Variants in HAVCR2 observed in about 807,000 individuals in gnomAD.
HAVCR2 encodes the protein T cell immunoglobulin mucin 3.
In HAVCR2, 13 loss-of-function variants were observed where a neutral mutation model predicts 24.7. The ratio of observed to expected loss-of-function variants is 0.53; its 90% CI spans 0.34 to 0.84. HAVCR2 has a LOEUF of 0.84. Among genes scored for constraint, HAVCR2 ranks in the 40% least tolerant of loss-of-function variants. The probability of loss-of-function intolerance (pLI) is 0.01; values close to 1 mark genes in which losing one functional copy is unlikely to be tolerated. For synonymous variants in HAVCR2, 154 were observed against 143.4 expected, an observed-to-expected ratio of 1.07 and a Z score of -0.53; for missense variants, 343 against 371.2, an observed-to-expected ratio of 0.92 and a Z score of 0.62.
At chr5:157,091,860 C>T (rs1426141525) in intron 5 of HAVCR2, among the ~76,000 whole-genome samples, 1 of 152,058 alleles carries the variant, frequency 6.6e-6, no homozygotes, top group Admixed American at 6.6e-5. Context: ...TCAGAGAGTA[C>T]ACTAGAAAGA....
intron 4 of HAVCR2, among the ~76,000 whole-genome samples, chr5:157,096,161 G>A (rs1317811502): frequency 2.1e-5 from 3 of 142,144 alleles, no homozygotes; most frequent in Non-Finnish European, 3.0e-5. Flanking sequence ...AGGAGGCAAA[G>A]ACTGGAGTAC....
rs148766317 is a variant in HAVCR2, at chr5:157,094,482, T to G, written c.676+824A>C. 1.3e-3 allele frequency among the ~76,000 whole-genome samples: 202 copies of G among 151,922 alleles called. 1 individual carries two copies. The highest frequency in any genetic ancestry group is 4.6e-3 in the African/African-American group (191 of 41,458). The stretch of plus-strand genomic sequence containing the variant: ...CACTGTAACCTCCACCTACCAGGTT[T>G]GAGTGATTCCTCTGCCTCAGCCTCC... On this transcript the variant is annotated intron_variant, in intron 5 of 6. Transcript: ENST00000307851.
At chr5:157,094,130 C>T (rs544636805) in intron 5 of HAVCR2, among the ~76,000 whole-genome samples, 78 of 150,430 alleles carry the variant, frequency 5.2e-4, no homozygotes, top group Admixed American at 8.7e-4. Flanking sequence ...GCCTCCTGAG[C>T]TCAAGTGATC....
At chr5:157,090,662 C>T (rs1001088841) in intron 5 of HAVCR2, among the ~76,000 whole-genome samples, 1 of 152,090 alleles carries the variant, frequency 6.6e-6, no homozygotes, top group African/African-American at 2.4e-5. Flanking sequence ...GGATTATAGG[C>T]ATGAGCCATT....
At chr5:157,103,870 C>T (rs974233394) in intron 3 of HAVCR2, among the ~76,000 whole-genome samples, 1 of 152,206 alleles carries the variant, frequency 6.6e-6, no homozygotes, top group African/African-American at 2.4e-5. Flanking sequence ...TAACCACAAT[C>T]TCACTGTGCC....
chr5:157,104,625 A>T, intron 3 of HAVCR2, 41 bp downstream of exon 3: 1 of 1,375,050 alleles, frequency 7.3e-7, no homozygotes. Flanking sequence ...CTGAATTCAG[A>T]GCCAGCTAAA....
chr5:157,104,235 C>T (rs56323820), intron 3 of HAVCR2, among the ~76,000 whole-genome samples: 5,716 of 152,174 alleles, frequency 0.038, 300 homozygotes, highest in African/African-American at 0.12. Context: ...GGCTGGAATC[C>T]AGGGAAGGTG....
intron 1 of HAVCR2, among the ~76,000 whole-genome samples, chr5:157,108,580 C>A (rs957340294): frequency 6.6e-6 from 1 of 151,972 alleles, no homozygotes; most frequent in Admixed American, 6.6e-5. Context: ...TTTACCATTC[C>A]CTGGTTCCTT....
chr5:157,097,502 C>T (rs2113689866), intron 4 of HAVCR2, among the ~76,000 whole-genome samples: 1 of 152,294 alleles, frequency 6.6e-6, no homozygotes, highest in Non-Finnish European at 1.5e-5. Context: ...TCAAGCATTC[C>T]TTCCACCTTG....
At position 157,088,926 on chromosome 5, in the gene HAVCR2, T is replaced by C. The variant is rs1347527132; in HGVS notation, c.713+15A>G. The C allele has an allele frequency of 1.2e-6, 2 of 1,606,618 alleles. No homozygotes were observed. The highest frequency in any genetic ancestry group is 1.7e-5 in the Admixed American group (1 of 59,448). On this transcript the variant is annotated intron_variant, in intron 6 of 6. Transcript: ENST00000307851. The stretch of plus-strand genomic sequence containing the variant: ...AGATTCTCACCTTTTCCCAACCCCA[T>C]TCCATTATTCTTACCTTAAATTCTG...
At chr5:157,107,581 TTCAG>T (rs1757271103) in intron 1 of HAVCR2, among the ~76,000 whole-genome samples, 1 of 152,174 alleles carries the variant, frequency 6.6e-6, no homozygotes, top group African/African-American at 2.4e-5. Flanking sequence ...CCCAAACTCA[TTCAG>T]TCAAAGGGAA....
At chr5:157,105,811 A>T (rs1462264726) in intron 2 of HAVCR2, among the ~76,000 whole-genome samples, 1 of 152,148 alleles carries the variant, frequency 6.6e-6, no homozygotes. Flanking sequence ...GACTCTGTAA[A>T]AAGCTAATGC....
In HAVCR2 at chr5:157,094,304, G is replaced by A. The variant is rs147712175; in HGVS notation, c.676+1002C>T. 2.6e-3 allele frequency among the ~76,000 whole-genome samples: 394 copies of A among 151,966 alleles called. 7 individuals carry two copies. The highest frequency in any genetic ancestry group is 1.6e-3 in the Non-Finnish European group (106 of 67,958). On this transcript the variant is annotated intron_variant, in intron 5 of 6. Coordinates refer to ENST00000307851, the MANE Select transcript of HAVCR2 (RefSeq NM_032782.5). ...AACTGATCCTCTCACCTCAGCTTCC[G>A]AAAGTGTTGAAAATACAGGCATGAG... is the stretch of plus-strand genomic sequence containing the variant.
rs34663733 is a variant in HAVCR2 at position 157,107,859 on chromosome 5, GCC to G, written c.59-899_59-898del. ...TGCAGATTCCCCATATTTTTCCTCTGCCCCCCCCCCTTTTTTATGTGAAAACT... is the reference window on the plus strand; with the variant it reads ...TGCAGATTCCCCATATTTTTCCTCTGCCCCCCCCTTTTTTATGTGAAAACT... On this transcript the variant is annotated intron_variant, in intron 1 of 6. Transcript: ENST00000307851. 8.3e-3 allele frequency among the ~76,000 whole-genome samples: 1,079 copies of G among 129,992 alleles called. 20 individuals are homozygous for G. The highest frequency in any genetic ancestry group is 0.027 in the African/African-American group (960 of 35,814). 85.3% of individuals were successfully genotyped at this position (129,992 alleles called of 152,430 possible). A position where few individuals can be genotyped will look rare whatever the true frequency, so the allele number is the denominator to read the frequency against.
chr5:157,096,211 C>A (rs1490809401), intron 4 of HAVCR2, among the ~76,000 whole-genome samples: 1 of 116,112 alleles, frequency 8.6e-6, no homozygotes, highest in Non-Finnish European at 1.6e-5. Context: ...ACCTGGGCAA[C>A]AGAGCGAGAC....
At chr5:157,089,735 C>T (rs1162664812) in intron 5 of HAVCR2, among the ~76,000 whole-genome samples, 1 of 152,040 alleles carries the variant, frequency 6.6e-6, no homozygotes, top group Admixed American at 6.6e-5. Flanking sequence ...AGGAGCATTC[C>T]AGGATGAGGG....
intron 3 of HAVCR2, among the ~76,000 whole-genome samples, chr5:157,102,732 C>T (rs1185569680): frequency 6.6e-6 from 1 of 150,906 alleles, no homozygotes; most frequent in African/African-American, 2.4e-5. Flanking sequence ...GTTAGGAGTT[C>T]GAGACCAGCA....
intron 5 of HAVCR2, among the ~76,000 whole-genome samples, chr5:157,092,744 C>A (rs1561619756): frequency 1.3e-5 from 2 of 151,562 alleles, no homozygotes; most frequent in Non-Finnish European, 2.9e-5. Flanking sequence ...CCGTGCTCAG[C>A]CTCTATTTTT....
intron 6 of HAVCR2, among the ~76,000 whole-genome samples, chr5:157,087,532 G>T (rs903859976): frequency 1.3e-5 from 2 of 152,128 alleles, no homozygotes; most frequent in African/African-American, 4.8e-5. Context: ...ATAGCTAAGA[G>T]AATATTTTTA....
Sources: allele counts gnomAD v4.1 joint callset (sites outside exome capture counted in the v4.1 genomes callset), GRCh38; gene constraint gnomAD v4.1.1; transcripts MANE v1.5; gene names NCBI Gene and HGNC (gene_info 2026-07-23, HGNC 2026-07-21).